The following TAFAZZIN variants were observed in gnomAD, a reference collection of about 807,000 sequenced individuals.
The protein encoded by TAFAZZIN is protein G4.5.
Under a neutral mutation model 27.3 loss-of-function variants are expected in TAFAZZIN, and 6 were observed. The ratio of observed to expected loss-of-function variants is 0.22; its 90% CI spans 0.12 to 0.43. The LOEUF (loss-of-function observed/expected upper bound fraction) is 0.43, where lower values mean the gene tolerates loss of function less well. TAFAZZIN is among the 20% of genes least tolerant of loss of function. The probability of loss-of-function intolerance (pLI) is 1.00; values close to 1 mark genes in which losing one functional copy is unlikely to be tolerated. For synonymous variants in TAFAZZIN, 79 were observed against 96.2 expected (o/e 0.82, Z 1.04); for missense variants, 127 against 244.5 (o/e 0.52, Z 3.21).
intron 5 of TAFAZZIN, among the ~76,000 whole-genome samples, chrX:154,416,871 C>T: frequency 9.0e-6 from 1 of 111,719 alleles, no homozygotes; most frequent in Non-Finnish European, 1.9e-5. Flanking sequence ...TGCAGTGGCT[C>T]ACGCCTGTAA....
Position 154,421,102 on chromosome X carries a change from G to T in TAFAZZIN, c.*98G>T, listed in dbSNP as rs1557194616. On this transcript the variant is annotated 3_prime_UTR_variant, in exon 11 of 11. Transcript: ENST00000601016. ...TCAAACGTGGCTTTTAGACAGATTTGTTCATAGACCCTCTCAAGTGCCCTC... is the reference window on the plus strand; with the variant it reads ...TCAAACGTGGCTTTTAGACAGATTTTTTCATAGACCCTCTCAAGTGCCCTC... 1 of 801,291 alleles carries T rather than the reference G, an allele frequency of 1.2e-6. No individual in the cohort carries two copies. Among genetic ancestry groups the T allele is most frequent in the African/African-American group, 2.0e-5 (1 of 49,593 alleles). The allele number at this position is 801,291 out of a possible 1,213,427, so 66.0% of individuals were successfully genotyped here. A position where few individuals can be genotyped will look rare whatever the true frequency, so the allele number is the denominator to read the frequency against.
At chrX:154,419,190 T>G in intron 5 of TAFAZZIN, 1 of 293,021 alleles carries the variant, frequency 3.4e-6, no homozygotes, top group Non-Finnish European at 6.2e-6. Flanking sequence ...CATAGGTAGA[T>G]GGAGGAATTG....
Position 154,413,235 on chromosome X carries a change from C to T in TAFAZZIN, c.267C>T (p.Asn89=), listed in dbSNP as rs782402941. 5.0e-6 allele frequency: 6 copies of T among 1,210,618 alleles called. No homozygotes were observed. In the African/African-American group the frequency reaches 1.0e-4, roughly 21 times the overall value. The part of the protein sequence containing the change: ...WGILKLRHIW[N]LKLMRWTPAA... ...TCCTGAAACTCCGCCACATCTGGAA[C>T]CTGAAGTTGATGCGTTGGTGAGGAG... The change falls in exon 3 of 11, where the codon AAC becomes AAT. Residue 89 remains asparagine (N), a synonymous_variant. Transcript: ENST00000601016.
chrX:154,413,320 C>T, intron 3 of TAFAZZIN, 68 bp downstream of exon 3: 1 of 1,208,557 alleles, frequency 8.3e-7, no homozygotes, highest in African/African-American at 1.7e-5. Flanking sequence ...GATTTGCCCT[C>T]CTCCTGCTCT....
At chrX:154,416,064 GC>G (rs1482704117) in intron 5 of TAFAZZIN, among the ~76,000 whole-genome samples, 1 of 106,925 alleles carries the variant, frequency 9.4e-6, no homozygotes, top group Non-Finnish European at 1.9e-5. Flanking sequence ...TTTGAGACCA[GC>G]CTGACCAACA....
At chrX:154,415,880 C>CG (rs2068474543) in intron 5 of TAFAZZIN, among the ~76,000 whole-genome samples, 1 of 28,103 alleles carries the variant, frequency 3.6e-5, no homozygotes, top group Non-Finnish European at 6.4e-5. Context: ...GACCTGGTCT[C>CG]AAAAAAAAAA....
At chrX:154,413,628 G>C in intron 4 of TAFAZZIN, 61 bp downstream of exon 4, 1 of 1,152,310 alleles carries the variant, frequency 8.7e-7, no homozygotes, top group Non-Finnish European at 1.2e-6. Flanking sequence ...CTGGTGGCCA[G>C]TGTCTCTGTT....
chrX:154,412,150 C>T lies in TAFAZZIN; in HGVS notation c.174C>T (p.Gly58=). Residue 58 remains glycine (G), a synonymous_variant, in exon 2 of 11, where the codon GGC becomes GGT. Transcript: ENST00000601016. ...EVLYELIEKR[G]PATPLITVSN... The stretch of plus-strand genomic sequence containing the variant: ...TGTACGAGCTCATCGAGAAGCGAGG[C>T]CCGGCCACGCCCCTCATCACCGTGT... 1 of 1,203,431 alleles carries T rather than the reference C, an allele frequency of 8.3e-7. No individual in the cohort carries two copies. Among genetic ancestry groups the T allele is most frequent in the South Asian group, 1.8e-5 (1 of 55,690 alleles).
At chrX:154,415,499 G>A (rs1557192562) in intron 5 of TAFAZZIN, among the ~76,000 whole-genome samples, 1 of 111,203 alleles carries the variant, frequency 9.0e-6, no homozygotes, top group Non-Finnish European at 1.9e-5. Flanking sequence ...TAGGTGGGTA[G>A]GTAGGTGGGT....
At chrX:154,414,333 C>A in intron 5 of TAFAZZIN, 143 bp downstream of exon 5, 1 of 483,412 alleles carries the variant, frequency 2.1e-6, no homozygotes. Flanking sequence ...ATATTTTAAA[C>A]AAAAGAAAGG....
chrX:154,413,025 G>A (rs1262330222), intron 2 of TAFAZZIN, 182 bp from the exon 3 acceptor site: 5 of 546,065 alleles, frequency 9.2e-6, no homozygotes, highest in African/African-American at 4.6e-5. Context: ...AAGATGTGGA[G>A]GGTGGGGGAG....
chrX:154,419,817 C>T (rs1179908089), intron 7 of TAFAZZIN, 71 bp downstream of exon 7: 7 of 1,189,659 alleles, frequency 5.9e-6, no homozygotes, highest in Non-Finnish European at 6.8e-6. Flanking sequence ...CCCTGGCTCC[C>T]GCCCCCTCGG....
rs1403675388 is a variant in TAFAZZIN, at chrX:154,421,645, C to G, written c.*641C>G. On this transcript the variant is annotated 3_prime_UTR_variant, in exon 11 of 11. Coordinates refer to ENST00000601016, the MANE Select transcript of TAFAZZIN (RefSeq NM_000116.5). ...CAACTTCTCCATCCTTTCTGCCTCTCAACATCACTTGAATCCTAGGGCCTG... is the reference window on the plus strand; with the variant it reads ...CAACTTCTCCATCCTTTCTGCCTCTGAACATCACTTGAATCCTAGGGCCTG... The G allele has an allele frequency of 3.0e-6, 1 of 330,226 alleles. No homozygotes were observed. The highest frequency in any genetic ancestry group is 5.9e-6 in the Non-Finnish European group (1 of 170,125). 27.2% of individuals were successfully genotyped at this position (330,226 alleles called of 1,213,427 possible).
Position 154,411,615 on chromosome X carries a change from G to A in TAFAZZIN, c.-229G>A. On this transcript the variant is annotated 5_prime_UTR_variant, in exon 1 of 11. Coordinates refer to ENST00000601016, the MANE Select transcript of TAFAZZIN (RefSeq NM_000116.5). ...CCTCCCGTTCCGCAGCGCGCCCACG[G>A]CCTGTGACCCCGGCGACCGCTCCCC... 1 of 457,337 alleles carries A rather than the reference G, an allele frequency of 2.2e-6. No homozygotes were observed. Among genetic ancestry groups the A allele is most frequent in the Non-Finnish European group, 3.9e-6 (1 of 254,397 alleles). 37.7% of individuals were successfully genotyped at this position (457,337 alleles called of 1,213,427 possible).
At chrX:154,415,785 G>T (rs1398862172) in intron 5 of TAFAZZIN, among the ~76,000 whole-genome samples, 1 of 106,868 alleles carries the variant, frequency 9.4e-6, no homozygotes, top group Non-Finnish European at 1.9e-5. Context: ...GGAGGCTGGG[G>T]TGGGAGAATC....
chrX:154,412,058 G>C, intron 1 of TAFAZZIN, 28 bp from the exon 2 acceptor site: 1 of 1,209,537 alleles, frequency 8.3e-7, no homozygotes, highest in Middle Eastern at 2.3e-4. Flanking sequence ...GGCGAGCCCG[G>C]AGCGCCTGAC....
chrX:154,414,687 G>A (rs1240293545), intron 5 of TAFAZZIN, among the ~76,000 whole-genome samples: 2 of 72,931 alleles, frequency 2.7e-5, no homozygotes, highest in South Asian at 7.0e-4. Flanking sequence ...GTGAGACTCC[G>A]TCTCAAAAAA....
intron 5 of TAFAZZIN, 103 bp downstream of exon 5, chrX:154,414,293 T>G: frequency 1.7e-6 from 1 of 594,346 alleles, no homozygotes; most frequent in Non-Finnish European, 2.8e-6. Flanking sequence ...CTGGGCAACA[T>G]AGTAAGACCC....
chrX:154,413,299 G>C, intron 3 of TAFAZZIN, 47 bp downstream of exon 3: 2 of 1,209,825 alleles, frequency 1.7e-6, no homozygotes, highest in Non-Finnish European at 1.1e-6. Context: ...GGCCCCACCT[G>C]CCTCTGCCCA....
Sources: allele counts gnomAD v4.1 joint callset (sites outside exome capture counted in the v4.1 genomes callset), GRCh38; gene constraint gnomAD v4.1.1; transcripts MANE v1.5; gene names NCBI Gene and HGNC (gene_info 2026-07-23, HGNC 2026-07-21).